The following DYNC2I1 variants were observed in gnomAD, a reference collection of about 807,000 sequenced individuals.
DYNC2I1 encodes the protein cytoplasmic dynein 2 intermediate chain 1.
In DYNC2I1, 89 loss-of-function variants were observed where a neutral mutation model predicts 133.4. The ratio of observed to expected loss-of-function variants is 0.67; its 90% CI spans 0.56 to 0.80. DYNC2I1 has a LOEUF of 0.80. Ranked by LOEUF, DYNC2I1 falls within the 30% of genes least tolerant of loss-of-function variation. The pLI is 0.00. For synonymous variants in DYNC2I1, 504 were observed against 484.3 expected (o/e 1.04, Z -0.54); for missense variants, 1,291 against 1,314.5 (o/e 0.98, Z 0.28).
chr7:158,881,919 C>G (rs1162697922), intron 5 of DYNC2I1, among the ~76,000 whole-genome samples: 3 of 152,210 alleles, frequency 2.0e-5, no homozygotes, highest in Non-Finnish European at 4.4e-5. Flanking sequence ...TTGAACTTGG[C>G]TATTCTCCAT....
chr7:158,926,266 G>C lies in DYNC2I1; in HGVS notation c.2337G>C (p.Gln779His), dbSNP rs760541674. The change falls in exon 18 of 25, where the codon CAG becomes CAC. Residue 779 changes from glutamine (Q) to histidine (H), a missense_variant. Transcript: ENST00000407559. ...TCTCAACGTCCGTCCACAAAAAGCA[G>C]AGCTTTGTGCTTTCACCCTTTTCTA... ...EPISTSVHKKQSFVLSPFSTQ... is the reference protein window; with the variant it reads ...EPISTSVHKKHSFVLSPFSTQ... 1.2e-6 allele frequency: 2 copies of C among 1,613,292 alleles called. No individual in the cohort carries two copies. The highest frequency in any genetic ancestry group is 1.7e-5 in the Admixed American group (1 of 59,928).
intron 10 of DYNC2I1, chr7:158,903,800 A>G (rs754318343): frequency 2.2e-4 from 33 of 152,298 alleles, no homozygotes; most frequent in Admixed American, 1.8e-3. Flanking sequence ...GCAGGATTTT[A>G]TTCTTAACGT....
At chr7:158,867,874 G>A (rs1051370680) in intron 1 of DYNC2I1, among the ~76,000 whole-genome samples, 4 of 152,168 alleles carry the variant, frequency 2.6e-5, no homozygotes, top group Non-Finnish European at 4.4e-5. Flanking sequence ...GCACAGCTGG[G>A]CCTCCACCCC....
In DYNC2I1 at chr7:158,956,612, C is replaced by G. The variant is rs959753665; in HGVS notation, c.*86C>G. ...TGATGCCACAAAGCAAATGAAGAGG[C>G]GAGAAGGCGACAGGGCTTGGAGCCG... On this transcript the variant is annotated 3_prime_UTR_variant and NMD_transcript_variant, in exon 5 of 5. Coordinates refer to the DYNC2I1 transcript ENST00000454771. 6.6e-5 allele frequency: 10 copies of G among 152,284 alleles called. No homozygotes were observed. In the East Asian group the frequency reaches 1.7e-3, roughly 26 times the overall value. The allele number at this position is 152,284 out of a possible 1,614,324, so 9.4% of individuals were successfully genotyped here. A position where few individuals can be genotyped will look rare whatever the true frequency, so the allele number is the denominator to read the frequency against.
upstream of DYNC2I1, among the ~76,000 whole-genome samples, chr7:158,855,040 G>A (rs920870676): frequency 3.9e-5 from 6 of 152,324 alleles, no homozygotes; most frequent in East Asian, 9.6e-4. Context: ...TGGGCGACTC[G>A]GCTTGCAACC....
At chr7:158,896,361 T>C (rs1845764075) in intron 8 of DYNC2I1, among the ~76,000 whole-genome samples, 1 of 152,262 alleles carries the variant, frequency 6.6e-6, no homozygotes. Flanking sequence ...GATTTTTCTC[T>C]TTTAGCCTGT....
chr7:158,909,843 G>A (rs551502407), intron 11 of DYNC2I1, among the ~76,000 whole-genome samples: 29 of 152,320 alleles, frequency 1.9e-4, no homozygotes, highest in Middle Eastern at 3.4e-3. Flanking sequence ...TGGAAGTTGA[G>A]AGCCTTCCGG....
intron 1 of DYNC2I1, among the ~76,000 whole-genome samples, chr7:158,866,067 T>C (rs1288432299): frequency 2.6e-5 from 4 of 151,188 alleles, no homozygotes; most frequent in Non-Finnish European, 4.4e-5. Context: ...ACCTCTTGTC[T>C]TCAGGGTTTT....
chr7:158,859,825 C>T (rs972286560), intron 1 of DYNC2I1, among the ~76,000 whole-genome samples: 1 of 152,124 alleles, frequency 6.6e-6, no homozygotes, highest in Non-Finnish European at 1.5e-5. Context: ...CAACAGATCT[C>T]AGAGCTGGAT....
At chr7:158,872,824 C>A (rs994884406) in intron 3 of DYNC2I1, among the ~76,000 whole-genome samples, 1 of 151,888 alleles carries the variant, frequency 6.6e-6, no homozygotes, top group African/African-American at 2.4e-5. Flanking sequence ...TGGCGAAACC[C>A]CATCTCTACT....
rs545903783 is a variant in DYNC2I1 at position 158,888,019 on chromosome 7, C to CTTTTTTT, written c.990+962_990+968dup. On this transcript the variant is annotated intron_variant, in intron 7 of 24. Coordinates refer to ENST00000407559, the MANE Select transcript of DYNC2I1 (RefSeq NM_018051.5). The stretch of plus-strand genomic sequence containing the variant: ...TTAGGGTTATTATCAAACCATTGTC[C>CTTTTTTT]TTTTTTTTTTTTTTTTTTTTTTTTG... 5.4e-4 allele frequency among the ~76,000 whole-genome samples: 52 copies of CTTTTTTT among 96,594 alleles called. 2 individuals are homozygous for CTTTTTTT. The highest frequency in any genetic ancestry group is 1.7e-3 in the East Asian group (6 of 3,500). 63.4% of individuals were successfully genotyped at this position (96,594 alleles called of 152,430 possible).
At chr7:158,848,525 C>T in the DYNC2I1 span, among the ~76,000 whole-genome samples, 1 of 152,164 alleles carries the variant, frequency 6.6e-6, no homozygotes. Context: ...TTAAAGGACT[C>T]GCCCCAGAAG....
At chr7:158,920,878 A>T (rs1180714969) in intron 15 of DYNC2I1, among the ~76,000 whole-genome samples, 2 of 152,204 alleles carry the variant, frequency 1.3e-5, no homozygotes, top group Non-Finnish European at 2.9e-5. Context: ...CAGTACCCTC[A>T]TCACTATTAA....
Position 158,891,307 on chromosome 7 carries a change from C to G in DYNC2I1, c.1033C>G (p.Gln345Glu). 6.2e-7 allele frequency: 1 copy of G among 1,614,062 alleles called. No homozygotes were observed. The highest frequency in any genetic ancestry group is 8.5e-7 in the Non-Finnish European group (1 of 1,179,902). The change falls in exon 8 of 25, where the codon CAG becomes GAG. Residue 345 changes from glutamine (Q) to glutamate (E), a missense_variant. By Grantham distance (29) the Gln-to-Glu change is conservative (BLOSUM62 2). Transcript: ENST00000407559. The part of the protein sequence containing the change: ...EGSSVWWKLD[Q>E]RPGGEETVEI... ...CTCTTCTGTGTGGTGGAAGCTGGAC[C>G]AGAGGCCGGGAGGCGAGGAAACCGT...
chr7:158,870,658 A>T (rs1199538297), intron 2 of DYNC2I1, among the ~76,000 whole-genome samples: 2 of 152,112 alleles, frequency 1.3e-5, no homozygotes, highest in South Asian at 2.1e-4. Context: ...TAGGTGTGAG[A>T]TACCATGCCT....
At chr7:158,919,881 GC>G (rs35969535) in intron 15 of DYNC2I1, among the ~76,000 whole-genome samples, 25,391 of 152,088 alleles carry the variant, frequency 0.17, 2,678 homozygotes, top group East Asian at 0.45. Flanking sequence ...AGTGTGCGCC[GC>G]CCCCAGGGAG....
rs769857774 is a variant in DYNC2I1, at chr7:158,884,580, A to G, written c.896A>G (p.Asn299Ser). 1.9e-6 allele frequency: 3 copies of G among 1,612,470 alleles called. No homozygotes were observed. In the South Asian group the frequency reaches 3.3e-5, roughly 18 times the overall value. Reference sequence around the variant, plus strand: ...GTTTGATAGAATGGTGAACACAGAAATCGAGGTGCAAGCTCAAAAAGAGAT... The same window carrying G: ...GTTTGATAGAATGGTGAACACAGAAGTCGAGGTGCAAGCTCAAAAAGAGAT... Reference protein sequence around the residue: ...KRESQNGEHRNRGASSKRDGT... With the variant: ...KRESQNGEHRSRGASSKRDGT... Residue 299 changes from asparagine to serine, a missense_variant, in exon 6 of 25, where the codon AAT (asparagine) becomes AGT (serine). Asn to Ser is a conservative substitution (Grantham distance 46). Coordinates refer to ENST00000407559, the MANE Select transcript of DYNC2I1 (RefSeq NM_018051.5).
At chr7:158,916,851 G>T (rs1585154645) in intron 14 of DYNC2I1, among the ~76,000 whole-genome samples, 1 of 45,388 alleles carries the variant, frequency 2.2e-5, no homozygotes, top group Admixed American at 2.0e-4. Context: ...AAGGATGATT[G>T]TGAAACGTCT....
intron 5 of DYNC2I1, among the ~76,000 whole-genome samples, chr7:158,883,788 C>T (rs1399989526): frequency 2.0e-5 from 3 of 148,734 alleles, no homozygotes; most frequent in Non-Finnish European, 4.5e-5. Flanking sequence ...CTCAGCCTCC[C>T]GAGTAGCTGG....
Sources: allele counts gnomAD v4.1 joint callset (sites outside exome capture counted in the v4.1 genomes callset), GRCh38; gene constraint gnomAD v4.1.1; transcripts MANE v1.5; gene names NCBI Gene and HGNC (gene_info 2026-07-23, HGNC 2026-07-21).